The following CNBD1 variants were observed in gnomAD, a reference collection of about 807,000 sequenced individuals.
CNBD1 encodes cyclic nucleotide binding domain containing 1.
In CNBD1, 71 loss-of-function variants were observed where a neutral mutation model predicts 54.4. That is an observed-to-expected ratio of 1.30 (90% CI 1.08 to 1.59). The LOEUF (loss-of-function observed/expected upper bound fraction) is 1.59, where lower values mean the gene tolerates loss of function less well. CNBD1 is among the 40% of genes most tolerant of loss of function. The pLI, the probability that CNBD1 is intolerant of heterozygous loss-of-function variation, is 0.00. For synonymous variants in CNBD1, 182 were observed against 170.7 expected (o/e 1.07, Z -0.51); for missense variants, 659 against 518.0 (o/e 1.27, Z -2.64).
chr8:86,982,111 GA>G (rs763623457), intron 4 of CNBD1, among the ~76,000 whole-genome samples: 85 of 152,076 alleles, frequency 5.6e-4, no homozygotes, highest in Non-Finnish European at 5.4e-4. Context: ...CCTGTGAATG[GA>G]TATGTTATTT....
At chr8:86,886,524 T>G (rs754937201) in intron 1 of CNBD1, among the ~76,000 whole-genome samples, 32 of 152,172 alleles carry the variant, frequency 2.1e-4, no homozygotes, top group Non-Finnish European at 3.8e-4. Flanking sequence ...AATTTCTTAT[T>G]TAGAAAAGCA....
In CNBD1 at chr8:87,137,034, A is replaced by C. The variant is rs1481693380; in HGVS notation, c.432-68959A>C. ...TATGTAAATTATATATATTATATTT[A>C]TATTCTATGTAAATTATATATATTA... On this transcript the variant is annotated intron_variant, in intron 4 of 10. Transcript: ENST00000518476. Among the ~76,000 whole-genome samples the C allele has an allele frequency of 3.6e-5, 4 of 112,146 alleles. No individual in the cohort carries two copies. In the East Asian group the frequency reaches 6.9e-4, roughly 19 times the overall value. The allele number at this position is 112,146 out of a possible 152,430, so 73.6% of individuals were successfully genotyped here.
chr8:87,035,502 T>C (rs2130600885), intron 4 of CNBD1, among the ~76,000 whole-genome samples: 1 of 152,338 alleles, frequency 6.6e-6, no homozygotes, highest in East Asian at 1.9e-4. Flanking sequence ...AAAGTATACA[T>C]GTGCATAGCT....
At chr8:87,316,429 A>G (rs1809389533) in intron 8 of CNBD1, among the ~76,000 whole-genome samples, 1 of 152,038 alleles carries the variant, frequency 6.6e-6, no homozygotes, top group Non-Finnish European at 1.5e-5. Context: ...AGAAGTTAGA[A>G]AACAAGAATC....
chr8:86,924,853 G>A (rs1176613094), intron 3 of CNBD1, among the ~76,000 whole-genome samples: 2 of 152,050 alleles, frequency 1.3e-5, no homozygotes, highest in African/African-American at 4.8e-5. Context: ...TTTCTTGCAT[G>A]TTTCTATAGC....
At chr8:87,221,747 C>T (rs1219102570) in intron 5 of CNBD1, among the ~76,000 whole-genome samples, 1 of 152,026 alleles carries the variant, frequency 6.6e-6, no homozygotes, top group Non-Finnish European at 1.5e-5. Flanking sequence ...AAGGCTATTT[C>T]AATAGACGCT....
chr8:86,931,341 C>G (rs1809454206), intron 3 of CNBD1, among the ~76,000 whole-genome samples: 1 of 152,164 alleles, frequency 6.6e-6, no homozygotes, highest in Non-Finnish European at 1.5e-5. Flanking sequence ...GCCCTGAGGA[C>G]CCTCAGTCCT....
At chr8:86,988,541 A>T (rs759748561) in intron 4 of CNBD1, among the ~76,000 whole-genome samples, 5 of 152,064 alleles carry the variant, frequency 3.3e-5, no homozygotes, top group Non-Finnish European at 7.4e-5. Flanking sequence ...ATCCAATCCA[A>T]TTATACTGTT....
At chr8:87,257,661 T>C (rs186514754) in intron 6 of CNBD1, among the ~76,000 whole-genome samples, 13 of 152,238 alleles carry the variant, frequency 8.5e-5, no homozygotes, top group Non-Finnish European at 1.5e-4. Flanking sequence ...GAGTCCATGC[T>C]TAACATTGGA....
chr8:87,271,253 T>C (rs1055716285), intron 6 of CNBD1, among the ~76,000 whole-genome samples: 1 of 151,912 alleles, frequency 6.6e-6, no homozygotes, highest in African/African-American at 2.4e-5. Context: ...ATATTTTTTT[T>C]CAGTCTCAAT....
intron 4 of CNBD1, among the ~76,000 whole-genome samples, chr8:86,958,810 A>C (rs551506915): frequency 1.3e-5 from 2 of 152,212 alleles, no homozygotes; most frequent in East Asian, 3.9e-4. Context: ...TTTTATTTGG[A>C]GCATTTAGCC....
intron 6 of CNBD1, among the ~76,000 whole-genome samples, chr8:87,268,822 G>A (rs1808310485): frequency 6.6e-6 from 1 of 152,054 alleles, no homozygotes; most frequent in African/African-American, 2.4e-5. Flanking sequence ...CTGGATATTA[G>A]ATCTTTGTCA....
At position 87,327,132 on chromosome 8, in the gene CNBD1, G is replaced by T. The variant is rs1430182167; in HGVS notation, c.1043-24553G>T. On this transcript the variant is annotated intron_variant, in intron 8 of 10. Transcript: ENST00000518476. ...AGGCTGCTCGGGGGTCAGGGGTCAG[G>T]GACCCACTTGAGGAGGCAGTCTGCC... Among the ~76,000 whole-genome samples, 445 of 143,420 alleles carry T rather than the reference G, an allele frequency of 3.1e-3. 2 individuals are homozygous for T. Among genetic ancestry groups the T allele is most frequent in the African/African-American group, 0.011 (424 of 38,456 alleles). The allele number at this position is 143,420 out of a possible 152,430, so 94.1% of individuals were successfully genotyped here. A position where few individuals can be genotyped will look rare whatever the true frequency, so the allele number is the denominator to read the frequency against.
intron 2 of CNBD1, among the ~76,000 whole-genome samples, chr8:87,425,226 A>AT: frequency 6.6e-6 from 1 of 151,674 alleles, no homozygotes; most frequent in East Asian, 1.9e-4. Flanking sequence ...ATTCTTCTAA[A>AT]TTTTTTTCAA....
At position 86,892,700 on chromosome 8, in the gene CNBD1, TATG is replaced by T. The variant is rs777764449; in HGVS notation, c.158+5095_158+5097del. Reference sequence around the variant, plus strand: ...GTATTAAGAGTTCGATAGAGACAATTATGATGATTTTAAGGAGGTTCCTGGAAA... The same window carrying T: ...GTATTAAGAGTTCGATAGAGACAATTATGATTTTAAGGAGGTTCCTGGAAA... On this transcript the variant is annotated intron_variant, in intron 2 of 10. Transcript: ENST00000518476. Among the ~76,000 whole-genome samples the T allele has an allele frequency of 7.4e-4, 112 of 152,238 alleles. 1 individual carries two copies. Among genetic ancestry groups the T allele is most frequent in the Middle Eastern group, 3.4e-3 (1 of 294 alleles).
At chr8:87,011,937 T>C (rs1328632084) in intron 4 of CNBD1, among the ~76,000 whole-genome samples, 1 of 152,164 alleles carries the variant, frequency 6.6e-6, no homozygotes, top group Non-Finnish European at 1.5e-5. Flanking sequence ...GTTTAAGAGC[T>C]AAAGAACATC....
Position 87,206,151 on chromosome 8 carries a change from T to G in CNBD1, c.577+13T>G. ...AAAGGCAGCACAGGTAATAGACTAATGTGGGATAAATTTGGCGAGATAAAA... is the reference window on the plus strand; with the variant it reads ...AAAGGCAGCACAGGTAATAGACTAAGGTGGGATAAATTTGGCGAGATAAAA... On this transcript the variant is annotated intron_variant, in intron 5 of 10. Transcript: ENST00000518476. 6.5e-7 allele frequency: 1 copy of G among 1,537,486 alleles called. No homozygotes were observed. Among genetic ancestry groups the G allele is most frequent in the Non-Finnish European group, 8.7e-7 (1 of 1,143,152 alleles).
chr8:87,029,608 A>G (rs1170600930), intron 4 of CNBD1, among the ~76,000 whole-genome samples: 2 of 152,170 alleles, frequency 1.3e-5, no homozygotes, highest in African/African-American at 4.8e-5. Context: ...GTAATGCCAG[A>G]AACCAAAGCA....
At position 87,327,368 on chromosome 8, in the gene CNBD1, C is replaced by T. The variant is rs867706022; in HGVS notation, c.1043-24317C>T. On this transcript the variant is annotated intron_variant, in intron 8 of 10. Transcript: ENST00000518476. ...TTCCCGGCTGCTTTGTTTACCTAAG[C>T]AAGCCTGGGCAATGGTGGGCGCCCC... 3.4e-4 allele frequency among the ~76,000 whole-genome samples: 52 copies of T among 151,730 alleles called. No individual in the cohort carries two copies. The South Asian group carries it at 8.5e-3, about 25-fold the overall frequency.
Sources: allele counts gnomAD v4.1 joint callset (sites outside exome capture counted in the v4.1 genomes callset), GRCh38; gene constraint gnomAD v4.1.1; transcripts MANE v1.5; gene names NCBI Gene and HGNC (gene_info 2026-07-23, HGNC 2026-07-21).